Variants in MELTF observed in about 807,000 individuals in gnomAD.
MELTF encodes antigen p97 (melanoma associated) identified by monoclonal antibodies 133.2 and 96.5.
A neutral mutation model predicts 83.7 loss-of-function variants in MELTF; 67 were observed. That is an observed-to-expected ratio of 0.80 (90% CI 0.66 to 0.98). The LOEUF (loss-of-function observed/expected upper bound fraction) is 0.98. Among genes scored for constraint, MELTF ranks in the 50% least tolerant of loss-of-function variants. MELTF has a pLI of 0.00. For synonymous variants in MELTF, 462 were observed against 447.6 expected (o/e 1.03, Z -0.41); for missense variants, 1,002 against 1,035.6 (o/e 0.97, Z 0.44).
In MELTF at chr3:197,009,609, G is replaced by T. The variant is rs1208943344; in HGVS notation, c.1525+9C>A. The T allele has an allele frequency of 1.1e-5, 17 of 1,596,750 alleles. No individual in the cohort carries two copies. The Admixed American group carries it at 1.5e-4, about 14-fold the overall frequency. On this transcript the variant is annotated intron_variant, in intron 11 of 15. Transcript: ENST00000296350. ...TCCCCAGTCTGCGTTCCTAAAAAGG[G>T]GGGGGTACCTGTGAGGACGTCACAG...
In MELTF at chr3:197,029,614, G is replaced by C; in HGVS notation, c.49+40C>G. 8.1e-7 allele frequency: 1 copy of C among 1,238,616 alleles called. No homozygotes were observed. Among genetic ancestry groups the C allele is most frequent in the Non-Finnish European group, 1.0e-6 (1 of 990,986 alleles). 76.7% of individuals were successfully genotyped at this position (1,238,616 alleles called of 1,614,324 possible). A position where few individuals can be genotyped will look rare whatever the true frequency, so the allele number is the denominator to read the frequency against. ...TGCTCAGCCGGGCCGCGGCGCCCCG[G>C]GACCCCCGCCCGCCTTTGGCTCTCA... is the stretch of plus-strand genomic sequence containing the variant. On this transcript the variant is annotated intron_variant, in intron 1 of 15. Coordinates refer to ENST00000296350, the MANE Select transcript of MELTF (RefSeq NM_005929.6). This position sits in a 1 kb window ranked among gnomAD's most constrained non-coding sequence, Gnocchi z 6.5.
chr3:197,025,653 G>A (rs1719823159), intron 3 of MELTF: 1 of 152,500 alleles, frequency 6.6e-6, no homozygotes, highest in African/African-American at 2.4e-5. Flanking sequence ...GAGGTGTCGA[G>A]TTAATTAAAG....
At position 197,027,925 on chromosome 3, in the gene MELTF, C is replaced by T; in HGVS notation, c.50-15G>A. 2.6e-6 allele frequency: 4 copies of T among 1,554,208 alleles called. No homozygotes were observed. The highest frequency in any genetic ancestry group is 2.6e-6 in the Non-Finnish European group (3 of 1,149,224). ...GCCACCGAGCACTGCGGGCAGGGGA[C>T]CGTGAGGCCCGGCTCCCCCGCCCTG... On this transcript the variant is annotated splice_polypyrimidine_tract_variant and intron_variant, in intron 1 of 15. Transcript: ENST00000296350.
At chr3:197,005,899 C>CATCCTTAAGAGAGGCCAGAGGAGAGG (rs1718957508) in intron 14 of MELTF, among the ~76,000 whole-genome samples, 14 of 152,138 alleles carry the variant, frequency 9.2e-5, no homozygotes, top group African/African-American at 3.1e-4. Flanking sequence ...CAGAGCAGAC[C>CATCCTTAAGAGAGGCCAGAGGAGAGG]ACTCTTTGGA....
At chr3:197,009,028 C>T (rs185650589) in intron 11 of MELTF, 63 bp from the exon 12 acceptor site, 53 of 1,589,806 alleles carry the variant, frequency 3.3e-5, no homozygotes, top group African/African-American at 1.6e-4. Flanking sequence ...GGGAGCTGGG[C>T]GGGCCGCTCC....
At chr3:197,014,406 T>TTTTTTTTTA in intron 9 of MELTF, among the ~76,000 whole-genome samples, 1 of 147,960 alleles carries the variant, frequency 6.8e-6, no homozygotes, top group African/African-American at 2.5e-5. Flanking sequence ...TTTTTTTTTT[T>TTTTTTTTTA]GAGACAGTCT....
chr3:197,019,331 G>A (rs1049010649), intron 6 of MELTF: 10 of 1,113,168 alleles, frequency 9.0e-6, no homozygotes, highest in Non-Finnish European at 1.1e-5. Flanking sequence ...AACAATGAAA[G>A]TCCTGTCACT....
chr3:197,010,801 G>A lies in MELTF; in HGVS notation c.1234-7C>T, dbSNP rs370185048. The A allele has an allele frequency of 3.8e-5, 61 of 1,613,080 alleles. No homozygotes were observed. The highest frequency in any genetic ancestry group is 5.0e-5 in the Non-Finnish European group (59 of 1,179,932). On this transcript the variant is annotated splice_polypyrimidine_tract_variant and splice_region_variant and intron_variant, in intron 9 of 15. Transcript: ENST00000296350. ...CAGCGTCGACCTGCTCAGCCTGAAG[G>A]GAATAGAAGAAGCCACTGGGCCGGG...
At chr3:197,009,532 A>G in intron 11 of MELTF, 86 bp downstream of exon 11, 1 of 1,376,208 alleles carries the variant, frequency 7.3e-7, no homozygotes, top group Non-Finnish European at 9.9e-7. Context: ...ACCTTCCAAC[A>G]AGGTCCTCTC....
chr3:197,015,551 C>T lies in MELTF; in HGVS notation c.1082-35G>A, dbSNP rs1049592793. ...GGCAAGCAAGCGGTCACTGCCAGGC[C>T]AGTACTGCCATGGAAGAGCATGGAG... On this transcript the variant is annotated intron_variant, in intron 8 of 15. Coordinates refer to ENST00000296350, the MANE Select transcript of MELTF (RefSeq NM_005929.6). The T allele has an allele frequency of 3.8e-6, 6 of 1,586,962 alleles. No homozygotes were observed. In the African/African-American group the frequency reaches 8.1e-5, roughly 21 times the overall value.
chr3:197,025,485 G>A (rs1346432781), intron 3 of MELTF: 6 of 152,398 alleles, frequency 3.9e-5, no homozygotes, highest in South Asian at 4.1e-4. Flanking sequence ...CGCAACCCTC[G>A]TTTTCTCTGT....
chr3:197,017,311 G>GCT (rs1719420101), intron 6 of MELTF, 21 bp from the exon 7 acceptor site: 2 of 1,505,892 alleles, frequency 1.3e-6, no homozygotes, highest in African/African-American at 1.4e-5. Flanking sequence ...GGAAGCCTGG[G>GCT]CTGAGCCAGC....
At position 197,008,901 on chromosome 3, in the gene MELTF, C is replaced by A. The variant is rs375276094; in HGVS notation, c.1590G>T (p.Ser530=). The part of the protein sequence containing the change: ...PVNNPKNYPS[S]LCALCVGDEQ... ...CGTCCCCCACGCACAGTGCACACAG[C>A]GAGGAGGGGTAGTTCTTGGGGTTGT... The change falls in exon 12 of 16, where the codon TCG becomes TCT. Residue 530 remains serine, a synonymous_variant. Transcript: ENST00000296350. The surrounding 1 kb of genome is among the most constrained non-coding windows in gnomAD (Gnocchi z 5.4). 1.2e-6 allele frequency: 2 copies of A among 1,614,144 alleles called. No homozygotes were observed. The highest frequency in any genetic ancestry group is 2.2e-5 in the South Asian group (2 of 91,084).
Position 197,024,383 on chromosome 3 carries a change from C to G in MELTF, c.407G>C (p.Arg136Pro). ...CACGGGCACGTTCCAGCCCACTGTG[C>G]GATTGATGCCCGTGTGGCAGGACTT... The part of the protein sequence containing the change: ...GVKSCHTGIN[R>P]TVGWNVPVGY... Residue 136 changes from arginine to proline, a missense_variant, in exon 4 of 16, where the codon CGC (arginine) becomes CCC (proline). By Grantham distance (103) the Arg-to-Pro change is moderately radical. Transcript: ENST00000296350. The surrounding 1 kb of genome is among the most constrained non-coding windows in gnomAD (Gnocchi z 5.3). 4 of 1,610,166 alleles carry G rather than the reference C, an allele frequency of 2.5e-6. No homozygotes were observed. Among genetic ancestry groups the G allele is most frequent in the Non-Finnish European group, 3.4e-6 (4 of 1,178,052 alleles).
At position 197,022,963 on chromosome 3, in the gene MELTF, G is replaced by GCCT. The variant is rs1719683668; in HGVS notation, c.637_638insAGG (p.Gly212_Ala213insGlu). The stretch of plus-strand genomic sequence containing the variant: ...CTGCCCCCACTCCGCTCACCGGAAG[G>GCCT]CCCCGCTGTAGTCGTAGTATCTCTC... On this transcript the variant is annotated inframe_insertion, in exon 5 of 16. Coordinates refer to ENST00000296350, the MANE Select transcript of MELTF (RefSeq NM_005929.6). The surrounding 1 kb of genome is among the most constrained non-coding windows in gnomAD (Gnocchi z 5.1). 6.2e-7 allele frequency: 1 copy of GCCT among 1,608,312 alleles called. No individual in the cohort carries two copies. The highest frequency in any genetic ancestry group is 1.1e-5 in the South Asian group (1 of 90,380).
intron 4 of MELTF, among the ~76,000 whole-genome samples, chr3:197,023,319 G>A (rs552384410): frequency 6.6e-6 from 1 of 152,240 alleles, no homozygotes; most frequent in South Asian, 2.1e-4. Flanking sequence ...AGCACTGGGA[G>A]CGACTGTCAT....
Position 197,006,152 on chromosome 3 carries a change from C to T in MELTF, c.1938+397G>A, listed in dbSNP as rs561247432. On this transcript the variant is annotated intron_variant, in intron 14 of 15. Transcript: ENST00000296350. The surrounding 1 kb of genome is among the most constrained non-coding windows in gnomAD (Gnocchi z 5.4). ...GGGAGAATGGCGTGAACCCGGGAGG[C>T]GGAGCTTGCAGTGAGCCGAGATAGT... Among the ~76,000 whole-genome samples the T allele has an allele frequency of 5.9e-5, 9 of 151,650 alleles. No individual in the cohort carries two copies. The highest frequency in any genetic ancestry group is 1.9e-4 in the African/African-American group (8 of 41,272).
In MELTF at chr3:197,011,780, CCTCT is replaced by C. The variant is rs1445211926; in HGVS notation, c.1234-990_1234-987del. ...ATGGGTGTTACAGCCACACTGGACTCCTCTCTGAGAACCTCAGAAGCTAGAACTG... is the reference window on the plus strand; with the variant it reads ...ATGGGTGTTACAGCCACACTGGACTCCTGAGAACCTCAGAAGCTAGAACTG... On this transcript the variant is annotated intron_variant, in intron 9 of 15. Coordinates refer to ENST00000296350, the MANE Select transcript of MELTF (RefSeq NM_005929.6). This position sits in a 1 kb window ranked among gnomAD's most constrained non-coding sequence, Gnocchi z 4.2. Among the ~76,000 whole-genome samples, 3 of 152,138 alleles carry C rather than the reference CCTCT, an allele frequency of 2.0e-5. No individual in the cohort carries two copies. The highest frequency in any genetic ancestry group is 4.4e-5 in the Non-Finnish European group (3 of 68,014).
At position 197,017,019 on chromosome 3, in the gene MELTF, C is replaced by G. The variant is rs540270968; in HGVS notation, c.900+84G>C. The G allele has an allele frequency of 1.7e-5, 25 of 1,456,724 alleles. No individual in the cohort carries two copies. In the East Asian group the frequency reaches 2.4e-4, roughly 14 times the overall value. The allele number at this position is 1,456,724 out of a possible 1,614,324, so 90.2% of individuals were successfully genotyped here. A position where few individuals can be genotyped will look rare whatever the true frequency, so the allele number is the denominator to read the frequency against. Reference sequence around the variant, plus strand: ...CAAGGACAGTCTCTGGGTCCTGCCCCTCCTGGTCCCACCCTGCTGAGCGAC... The same window carrying G: ...CAAGGACAGTCTCTGGGTCCTGCCCGTCCTGGTCCCACCCTGCTGAGCGAC... On this transcript the variant is annotated intron_variant, in intron 7 of 15. Coordinates refer to ENST00000296350, the MANE Select transcript of MELTF (RefSeq NM_005929.6).
Sources: allele counts gnomAD v4.1 joint callset (sites outside exome capture counted in the v4.1 genomes callset), GRCh38; gene constraint gnomAD v4.1.1; non-coding constraint Gnocchi (gnomAD v3.1); transcripts MANE v1.5; gene names NCBI Gene and HGNC (gene_info 2026-07-23, HGNC 2026-07-21).